Variants in TAF4 observed in about 807,000 individuals in gnomAD.
The protein encoded by TAF4 is TATA-box binding protein associated factor 4, also known as transcription initiation factor TFIID subunit 4.
Under a neutral mutation model 90.3 loss-of-function variants are expected in TAF4, and 9 were observed. The ratio of observed to expected loss-of-function variants is 0.10; its 90% CI spans 0.06 to 0.17. TAF4 has a LOEUF of 0.17. TAF4 is among the 10% of genes least tolerant of loss of function. TAF4 has a pLI of 1.00. For missense variants in TAF4, 1,351 were observed against 1,370.7 expected (o/e 0.99, Z 0.23); for synonymous variants, 818 against 638.9 (o/e 1.28, Z -4.23).
In TAF4 at chr20:62,006,797, T is replaced by C; in HGVS notation, c.1975-39A>G. On this transcript the variant is annotated intron_variant, in intron 6 of 14. Transcript: ENST00000252996. The surrounding 1 kb of genome is among the most constrained non-coding windows in gnomAD (Gnocchi z 7.0). The stretch of plus-strand genomic sequence containing the variant: ...CAGACACGAGGGGTCAGGCGGCTGC[T>C]CATGCGTCGGTTTTCCTTGCTTAAA... 2 of 1,427,736 alleles carry C rather than the reference T, an allele frequency of 1.4e-6. No homozygotes were observed. The highest frequency in any genetic ancestry group is 1.9e-6 in the Non-Finnish European group (2 of 1,080,496). The allele number at this position is 1,427,736 out of a possible 1,614,324, so 88.4% of individuals were successfully genotyped here.
intron 1 of TAF4, among the ~76,000 whole-genome samples, chr20:62,062,320 T>C (rs962913906): frequency 3.9e-5 from 6 of 152,220 alleles, no homozygotes; most frequent in Non-Finnish European, 5.9e-5. Context: ...TATTTGCAAT[T>C]TGCCATTCTG....
chr20:62,014,851 A>C, intron 1 of TAF4, 144 bp from the exon 2 acceptor site: 2 of 1,136,018 alleles, frequency 1.8e-6, no homozygotes, highest in Non-Finnish European at 2.5e-6. Context: ...CCAAACTCAA[A>C]ACACACTTGT....
intron 1 of TAF4, among the ~76,000 whole-genome samples, chr20:62,027,002 G>T (rs2055878518): frequency 6.6e-6 from 1 of 152,216 alleles, no homozygotes; most frequent in African/African-American, 2.4e-5. Context: ...CGACTCAACA[G>T]GAATGCTTAC....
rs1239816365 is a variant in TAF4, at chr20:62,064,961, G to A, written c.850C>T (p.Pro284Ser). 8.9e-6 allele frequency: 4 copies of A among 451,664 alleles called. No individual in the cohort carries two copies. Among genetic ancestry groups the A allele is most frequent in the Non-Finnish European group, 1.1e-5 (4 of 353,362 alleles). The allele number at this position is 451,664 out of a possible 1,614,324, so 28.0% of individuals were successfully genotyped here. The change falls in exon 1 of 15, where the codon CCC becomes TCC. Residue 284 changes from proline to serine, a missense_variant. Around this residue, in one of 9 missense-constraint regions of TAF4, gnomAD observed 782 missense variants for 536.6 expected, o/e 1.46. Coordinates refer to ENST00000252996, the MANE Select transcript of TAF4 (RefSeq NM_003185.4). ...PPAPATLARP[P>S]GHPAGPPTAA... is the part of the protein sequence containing the mutation. ...GTCGGGGGTCCGGCGGGGTGGCCGG[G>A]CGGCCGGGCCAGAGTGGCGGGCGCG... is the stretch of plus-strand genomic sequence containing the variant.
intron 1 of TAF4, among the ~76,000 whole-genome samples, chr20:62,033,010 G>GC (rs1250690003): frequency 6.6e-6 from 1 of 152,112 alleles, no homozygotes; most frequent in Non-Finnish European, 1.5e-5. Context: ...AATGATGGAT[G>GC]CGGGGGGAAA....
chr20:62,009,206 A>C (rs1191906943), intron 4 of TAF4, 32 bp from the exon 5 acceptor site: 2 of 1,580,504 alleles, frequency 1.3e-6, no homozygotes, highest in Non-Finnish European at 1.7e-6. Context: ...TAAGTGAAAA[A>C]TCTTAAAAGG....
intron 1 of TAF4, among the ~76,000 whole-genome samples, chr20:62,051,295 G>C (rs1419895622): frequency 6.6e-6 from 1 of 152,142 alleles, no homozygotes; most frequent in Non-Finnish European, 1.5e-5. Flanking sequence ...AGACACCCAG[G>C]GTGCTCAGCT....
At chr20:62,040,323 C>T (rs879378936) in intron 1 of TAF4, among the ~76,000 whole-genome samples, 1 of 152,196 alleles carries the variant, frequency 6.6e-6, no homozygotes, top group Non-Finnish European at 1.5e-5. Flanking sequence ...CACGACACAC[C>T]ACTTGGGCAC....
intron 1 of TAF4, among the ~76,000 whole-genome samples, chr20:62,046,695 C>T (rs868338678): frequency 1.1e-4 from 17 of 152,186 alleles, no homozygotes; most frequent in South Asian, 4.1e-4. Flanking sequence ...TAACTGTCAG[C>T]GTTGAGGGTC....
chr20:62,000,425 G>A, intron 10 of TAF4, 127 bp downstream of exon 10: 1 of 1,406,746 alleles, frequency 7.1e-7, no homozygotes, highest in Non-Finnish European at 9.6e-7. Flanking sequence ...ACCACCACCA[G>A]CAACCATGTG....
At chr20:62,004,328 C>CTTTTCT (rs750655697) in intron 7 of TAF4, among the ~76,000 whole-genome samples, 3 of 117,198 alleles carry the variant, frequency 2.6e-5, no homozygotes, top group Non-Finnish European at 5.1e-5. Context: ...CTTTTCTTTT[C>CTTTTCT]TTTTTTTTTT....
intron 1 of TAF4, among the ~76,000 whole-genome samples, chr20:62,040,616 C>T (rs543458062): frequency 1.3e-5 from 2 of 152,326 alleles, no homozygotes; most frequent in South Asian, 2.1e-4. Context: ...CCTCCATAAA[C>T]GGAGATTTAA....
chr20:61,998,322 A>C (rs555812421), intron 12 of TAF4, 130 bp from the exon 13 acceptor site: 2 of 940,180 alleles, frequency 2.1e-6, no homozygotes, highest in South Asian at 1.9e-5. Flanking sequence ...AAATTTGTGA[A>C]ATGCTTATAG....
intron 4 of TAF4, 88 bp downstream of exon 4, chr20:62,009,958 A>C: frequency 6.3e-7 from 1 of 1,587,824 alleles, no homozygotes; most frequent in Non-Finnish European, 8.5e-7. Context: ...TCTGGGACAG[A>C]AGCCGGCCTG....
At chr20:62,064,394 C>A (rs2056109116) in intron 1 of TAF4, 57 bp downstream of exon 1, 1 of 1,277,860 alleles carries the variant, frequency 7.8e-7, no homozygotes, top group African/African-American at 1.5e-5. Flanking sequence ...CTTCCTGGAA[C>A]TGGCAGCTGG....
chr20:62,001,277 G>A (rs1445540745), intron 9 of TAF4, among the ~76,000 whole-genome samples: 5 of 152,054 alleles, frequency 3.3e-5, no homozygotes, highest in African/African-American at 4.8e-5. Context: ...CGTAGGACCC[G>A]GTCCCAGCAG....
chr20:62,020,279 T>TG (rs949622676), intron 1 of TAF4, among the ~76,000 whole-genome samples: 4 of 151,986 alleles, frequency 2.6e-5, no homozygotes, highest in African/African-American at 4.8e-5. Flanking sequence ...CCTCTGCCGG[T>TG]GGGGGGGCTC....
At chr20:62,007,300 C>T (rs1159714184) in intron 6 of TAF4, among the ~76,000 whole-genome samples, 5 of 152,236 alleles carry the variant, frequency 3.3e-5, no homozygotes, top group Non-Finnish European at 5.9e-5. Flanking sequence ...TCAGGAAGCA[C>T]ACGCCCTTCT....
rs760701769 is a variant in TAF4, at chr20:62,065,151, G to A, written c.660C>T (p.Asn220=). Residue 220 remains asparagine, a synonymous_variant, in exon 1 of 15, where the codon AAC becomes AAT. Transcript: ENST00000252996. ...GCAGCGGCAGCAGCGCGGCGGGCCCGTTGTTGACCAGGCTGACAGCAGGTG... is the reference window on the plus strand; with the variant it reads ...GCAGCGGCAGCAGCGCGGCGGGCCCATTGTTGACCAGGCTGACAGCAGGTG... ...AAAPAVSLVN[N]GPAALLPLPK... 9.2e-6 allele frequency: 11 copies of A among 1,201,502 alleles called. No homozygotes were observed. The highest frequency in any genetic ancestry group is 3.6e-4 in the Middle Eastern group (1 of 2,746). The allele number at this position is 1,201,502 out of a possible 1,614,324, so 74.4% of individuals were successfully genotyped here. A position where few individuals can be genotyped will look rare whatever the true frequency, so the allele number is the denominator to read the frequency against.
Sources: allele counts gnomAD v4.1 joint callset (sites outside exome capture counted in the v4.1 genomes callset), GRCh38; gene constraint gnomAD v4.1.1; regional missense constraint gnomAD v4.1.1; non-coding constraint Gnocchi (gnomAD v3.1); transcripts MANE v1.5; gene names NCBI Gene and HGNC (gene_info 2026-07-23, HGNC 2026-07-21).